The following CYP7B1 variants were observed in gnomAD, a reference collection of about 807,000 sequenced individuals.
The protein encoded by CYP7B1 is cytochrome P450 family 7 subfamily B member 1.
Under a neutral mutation model 42.7 loss-of-function variants are expected in CYP7B1, and 29 were observed. The ratio of observed to expected loss-of-function variants is 0.68; its 90% CI spans 0.51 to 0.93. The LOEUF is 0.93. Among genes scored for constraint, CYP7B1 ranks in the 40% least tolerant of loss-of-function variants. The probability of loss-of-function intolerance (pLI) is 0.00; values close to 1 mark genes in which losing one functional copy is unlikely to be tolerated. For missense variants in CYP7B1, 655 were observed against 600.5 expected (o/e 1.09, Z -0.95); for synonymous variants, 235 against 218.2 (o/e 1.08, Z -0.68).
At chr8:64,768,370 A>C (rs1804147022) in intron 1 of CYP7B1, among the ~76,000 whole-genome samples, 1 of 152,178 alleles carries the variant, frequency 6.6e-6, no homozygotes, top group Admixed American at 6.5e-5. Context: ...CAAAAAAAAA[A>C]AAAAGTGTTA....
chr8:64,725,066 G>C (rs764269774), intron 1 of CYP7B1, among the ~76,000 whole-genome samples: 1 of 152,168 alleles, frequency 6.6e-6, no homozygotes, highest in Non-Finnish European at 1.5e-5. Context: ...TGAACAGATG[G>C]GAGGCCTTGT....
chr8:64,784,288 G>A (rs1215476896), intron 1 of CYP7B1, among the ~76,000 whole-genome samples: 3 of 152,116 alleles, frequency 2.0e-5, no homozygotes, highest in African/African-American at 7.2e-5. Context: ...AATTGAAAAA[G>A]AACAAATACT....
rs1263526644 is a variant in CYP7B1 at position 64,672,541 on chromosome 8, A to G, written c.123-48002T>C. On this transcript the variant is annotated intron_variant, in intron 1 of 5. Transcript: ENST00000310193. ...ATCCTATATTTCATCTTTCTTACCT[A>G]TGATTCTTCCTATCTGATGTGTGTG... Among the ~76,000 whole-genome samples the G allele has an allele frequency of 3.3e-5, 5 of 152,108 alleles. No homozygotes were observed. In the East Asian group the frequency reaches 7.7e-4, roughly 23 times the overall value.
At chr8:64,643,805 A>C (rs141342591) in intron 1 of CYP7B1, among the ~76,000 whole-genome samples, 2 of 152,310 alleles carry the variant, frequency 1.3e-5, no homozygotes, top group East Asian at 3.9e-4. Context: ...CCATCCCAAG[A>C]AACCACTCTT....
At chr8:64,627,611 C>T (rs1030381984) in intron 1 of CYP7B1, among the ~76,000 whole-genome samples, 30 of 152,078 alleles carry the variant, frequency 2.0e-4, no homozygotes, top group Admixed American at 1.1e-3. Flanking sequence ...ATGGGGTTTC[C>T]GCCAGGGGAA....
At chr8:64,769,949 T>TTTCTGAAG (rs1267952993) in intron 1 of CYP7B1, among the ~76,000 whole-genome samples, 1 of 152,208 alleles carries the variant, frequency 6.6e-6, no homozygotes, top group Non-Finnish European at 1.5e-5. Flanking sequence ...AACTCCTTCC[T>TTTCTGAAG]TTCTGAAGTC....
At chr8:64,769,390 G>A (rs893008403) in intron 1 of CYP7B1, among the ~76,000 whole-genome samples, 2 of 152,078 alleles carry the variant, frequency 1.3e-5, no homozygotes, top group Non-Finnish European at 2.9e-5. Flanking sequence ...CTTGGCACAC[G>A]AGCATGTTTT....
intron 1 of CYP7B1, among the ~76,000 whole-genome samples, chr8:64,697,959 G>C (rs1234424090): frequency 6.6e-6 from 1 of 152,192 alleles, no homozygotes; most frequent in Non-Finnish European, 1.5e-5. Context: ...TATTTTCACA[G>C]ACTGGACTTA....
chr8:64,661,903 T>C (rs1179502388), intron 1 of CYP7B1, among the ~76,000 whole-genome samples: 1 of 152,138 alleles, frequency 6.6e-6, no homozygotes, highest in Non-Finnish European at 1.5e-5. Context: ...AAAGGCAAAC[T>C]GTGGAGGAAA....
intron 5 of CYP7B1, among the ~76,000 whole-genome samples, chr8:64,600,168 T>C (rs1805180125): frequency 6.6e-6 from 1 of 152,212 alleles, no homozygotes; most frequent in Non-Finnish European, 1.5e-5. Flanking sequence ...TGTTTACAAA[T>C]AGTAGGAAAT....
At chr8:64,706,675 CA>C (rs1807004426) in intron 1 of CYP7B1, among the ~76,000 whole-genome samples, 2 of 151,866 alleles carry the variant, frequency 1.3e-5, no homozygotes, top group Admixed American at 1.3e-4. Context: ...AAACTAATCA[CA>C]ATAATAAAAA....
intron 1 of CYP7B1, among the ~76,000 whole-genome samples, chr8:64,783,789 T>C (rs557908080): frequency 6.6e-6 from 1 of 152,132 alleles, no homozygotes; most frequent in Non-Finnish European, 1.5e-5. Flanking sequence ...TTACTCAAAG[T>C]GCAGGGCTAA....
At chr8:64,611,301 C>A (rs1289687210) in intron 4 of CYP7B1, among the ~76,000 whole-genome samples, 2 of 152,058 alleles carry the variant, frequency 1.3e-5, no homozygotes, top group African/African-American at 4.8e-5. Context: ...TATTTAGCAC[C>A]CTGAGAATTT....
At chr8:64,694,694 A>G (rs1456706390) in intron 1 of CYP7B1, among the ~76,000 whole-genome samples, 1 of 152,164 alleles carries the variant, frequency 6.6e-6, no homozygotes, top group Non-Finnish European at 1.5e-5. Context: ...ATTTATTTTT[A>G]CTGTATTTTG....
At chr8:64,722,001 T>G (rs1807243631) in intron 1 of CYP7B1, among the ~76,000 whole-genome samples, 1 of 152,196 alleles carries the variant, frequency 6.6e-6, no homozygotes, top group East Asian at 1.9e-4. Flanking sequence ...TATAAACAAT[T>G]TATAATTTTA....
At chr8:64,793,785 A>T (rs1048709676) in intron 1 of CYP7B1, among the ~76,000 whole-genome samples, 9 of 152,062 alleles carry the variant, frequency 5.9e-5, no homozygotes, top group African/African-American at 1.9e-4. Flanking sequence ...AAGAATACAT[A>T]TTTATTGATA....
chr8:64,644,813 G>A (rs1440391196), intron 1 of CYP7B1, among the ~76,000 whole-genome samples: 1 of 151,720 alleles, frequency 6.6e-6, no homozygotes, highest in Non-Finnish European at 1.5e-5. Context: ...ACAATGTGCA[G>A]GTTTGTTACA....
intron 1 of CYP7B1, among the ~76,000 whole-genome samples, chr8:64,726,560 C>G (rs556178541): frequency 1.3e-5 from 2 of 152,288 alleles, no homozygotes; most frequent in East Asian, 3.9e-4. Context: ...TTTGGCGCTG[C>G]ATCTTTAAGC....
At chr8:64,647,849 A>G (rs1471694167) in intron 1 of CYP7B1, among the ~76,000 whole-genome samples, 1 of 152,140 alleles carries the variant, frequency 6.6e-6, no homozygotes. Flanking sequence ...TTACAGACAC[A>G]CCCAGAAATA....
Sources: gnomAD v4.1 joint callset for allele counts (sites outside exome capture counted in the v4.1 genomes callset) on GRCh38, gnomAD v4.1.1 for gene constraint, MANE v1.5 for transcripts, NCBI Gene and HGNC (gene_info 2026-07-23, HGNC 2026-07-21) for gene names.